TENM2: variants seen among roughly 807,000 people sequenced by gnomAD.
The protein encoded by TENM2 is teneurin transmembrane protein 2.
A neutral mutation model predicts 245.2 loss-of-function variants in TENM2; 52 were observed. That is an observed-to-expected ratio of 0.21 (90% CI 0.17 to 0.27). The LOEUF is 0.27. Ranked by LOEUF, TENM2 falls within the 10% of genes least tolerant of loss-of-function variation. TENM2 has a pLI of 1.00. For synonymous variants in TENM2, 1,363 were observed against 1,438.9 expected, an observed-to-expected ratio of 0.95 and a Z score of 1.19; for missense variants, 3,046 against 3,666.8, an observed-to-expected ratio of 0.83 and a Z score of 4.37.
At chr5:167,950,576 T>C (rs1001285144) in intron 3 of TENM2, among the ~76,000 whole-genome samples, 73 of 152,074 alleles carry the variant, frequency 4.8e-4, no homozygotes, top group African/African-American at 1.7e-3. Context: ...CGTAATTACC[T>C]AACTAATGGG....
At chr5:166,999,723 C>T in the TENM2 span, among the ~76,000 whole-genome samples, 5 of 152,072 alleles carry the variant, frequency 3.3e-5, no homozygotes, top group East Asian at 7.8e-4. Flanking sequence ...AACAAGTTTT[C>T]GAGGAAAAGA....
intron 2 of TENM2, among the ~76,000 whole-genome samples, chr5:167,376,325 T>A (rs1381129086): frequency 1.3e-5 from 2 of 152,218 alleles, no homozygotes; most frequent in Non-Finnish European, 2.9e-5. Flanking sequence ...TGGTTTGTTA[T>A]GAATAGATGG....
At chr5:167,411,573 A>AGAGAGTGTGTGT (rs752919344) in intron 2 of TENM2, among the ~76,000 whole-genome samples, 2 of 145,048 alleles carry the variant, frequency 1.4e-5, no homozygotes, top group African/African-American at 5.2e-5. Flanking sequence ...TGTAGGTGAG[A>AGAGAGTGTGTGT]GTGTGTGTGT....
At chr5:167,909,545 T>C (rs1204700741) in intron 3 of TENM2, among the ~76,000 whole-genome samples, 1 of 152,264 alleles carries the variant, frequency 6.6e-6, no homozygotes, top group Non-Finnish European at 1.5e-5. Context: ...TCATTAATTC[T>C]TATTTGTCAG....
intron 2 of TENM2, among the ~76,000 whole-genome samples, chr5:167,440,562 A>G (rs1178876798): frequency 6.6e-6 from 1 of 152,206 alleles, no homozygotes; most frequent in Non-Finnish European, 1.5e-5. Context: ...GAGCATGAAA[A>G]CAAAGAAGAA....
chr5:168,085,088 C>T (rs1792330309), intron 7 of TENM2, among the ~76,000 whole-genome samples: 3 of 152,222 alleles, frequency 2.0e-5, no homozygotes, highest in Non-Finnish European at 4.4e-5. Flanking sequence ...GCACTGGATC[C>T]ATTCCTTAAC....
chr5:167,818,567 AC>A (rs969190679), intron 2 of TENM2, among the ~76,000 whole-genome samples: 1 of 152,052 alleles, frequency 6.6e-6, no homozygotes, highest in Admixed American at 6.6e-5. Context: ...AGGATGAACA[AC>A]TTTCCCAAGG....
chr5:167,764,235 T>G (rs1390010671), intron 2 of TENM2, among the ~76,000 whole-genome samples: 1 of 152,192 alleles, frequency 6.6e-6, no homozygotes, highest in Non-Finnish European at 1.5e-5. Context: ...ATCCATTCTT[T>G]ATGTCCTAGT....
At chr5:167,776,662 TA>T (rs1561769732) in intron 2 of TENM2, among the ~76,000 whole-genome samples, 7 of 128,494 alleles carry the variant, frequency 5.4e-5, no homozygotes, top group African/African-American at 2.1e-4. Flanking sequence ...TATATATATA[TA>T]TTTTTCATTA....
intron 25 of TENM2, among the ~76,000 whole-genome samples, chr5:168,231,832 A>G (rs1461759757): frequency 6.6e-6 from 1 of 152,060 alleles, no homozygotes; most frequent in Non-Finnish European, 1.5e-5. Context: ...ACAGTAGCTC[A>G]TGCCTATAAT....
chr5:167,522,934 A>ATTCATT (rs1770861882), intron 2 of TENM2, among the ~76,000 whole-genome samples: 1 of 151,282 alleles, frequency 6.6e-6, no homozygotes, highest in African/African-American at 2.4e-5. Context: ...AACAACAAAA[A>ATTCATT]TTCATTTTTT....
intron 1 of TENM2, among the ~76,000 whole-genome samples, chr5:167,345,718 A>G (rs1037702189): frequency 3.3e-5 from 5 of 152,132 alleles, no homozygotes; most frequent in Non-Finnish European, 7.4e-5. Context: ...TCCTTTAAAA[A>G]CTATATTTGG....
At chr5:168,151,227 T>C (rs1334009587) in intron 12 of TENM2, among the ~76,000 whole-genome samples, 3 of 152,256 alleles carry the variant, frequency 2.0e-5, no homozygotes, top group Non-Finnish European at 4.4e-5. Context: ...GCATGCATTA[T>C]GTGCAGATCT....
chr5:168,130,950 G>A (rs1754521254), intron 12 of TENM2, among the ~76,000 whole-genome samples: 1 of 152,186 alleles, frequency 6.6e-6, no homozygotes, highest in Non-Finnish European at 1.5e-5. Flanking sequence ...CCAGGACATG[G>A]AGGAACTATA....
At chr5:168,162,702 C>T (rs764275120) in exon 13 of TENM2, 29 of 1,613,860 alleles carry the variant, frequency 1.8e-5, no homozygotes, top group Admixed American at 1.7e-4. Flanking sequence ...GGAGAGGGCC[C>T]GGATGCAACG....
intron 2 of TENM2, among the ~76,000 whole-genome samples, chr5:167,473,966 A>G (rs916388623): frequency 2.0e-5 from 3 of 152,170 alleles, no homozygotes; most frequent in Admixed American, 1.3e-4. Flanking sequence ...TACTGTAAGC[A>G]GGTTCTCAAA....
intron 2 of TENM2, among the ~76,000 whole-genome samples, chr5:167,616,622 C>T (rs1777803168): frequency 1.3e-5 from 2 of 151,824 alleles, no homozygotes; most frequent in Non-Finnish European, 2.9e-5. Flanking sequence ...CTTCAATATT[C>T]TTCAGAATTA....
At chr5:167,360,965 T>C (rs899480312) in intron 1 of TENM2, among the ~76,000 whole-genome samples, 1 of 152,194 alleles carries the variant, frequency 6.6e-6, no homozygotes, top group Admixed American at 6.5e-5. Context: ...CCTGACAGTA[T>C]ATCAGTCATA....
chr5:167,448,395 G>T (rs1765361204), intron 2 of TENM2, among the ~76,000 whole-genome samples: 1 of 151,734 alleles, frequency 6.6e-6, no homozygotes, highest in Non-Finnish European at 1.5e-5. Flanking sequence ...ATAAGCGTCT[G>T]TCTGTCTCCA....
Sources: gnomAD v4.1 joint callset for allele counts (sites outside exome capture counted in the v4.1 genomes callset) on GRCh38, gnomAD v4.1.1 for gene constraint, MANE v1.5 for transcripts, NCBI Gene and HGNC (gene_info 2026-07-23, HGNC 2026-07-21) for gene names.